RPH3AL: variants seen among roughly 807,000 people sequenced by gnomAD.
RPH3AL encodes the protein rabphilin 3A like (without C2 domains).
A neutral mutation model predicts 43.1 loss-of-function variants in RPH3AL; 38 were observed. The observed-to-expected ratio is 0.88, with a 90% CI of 0.68 to 1.15. The LOEUF is 1.15. RPH3AL is among the 50% of genes most tolerant of loss of function. The pLI, the probability that RPH3AL is intolerant of heterozygous loss-of-function variation, is 0.00. For missense variants in RPH3AL, 462 were observed against 423.2 expected (o/e 1.09, Z -0.81); for synonymous variants, 189 against 176.3 (o/e 1.07, Z -0.57).
intron 1 of RPH3AL, among the ~76,000 whole-genome samples, chr17:343,333 G>A (rs1165838705): frequency 6.6e-6 from 1 of 152,206 alleles, no homozygotes; most frequent in Non-Finnish European, 1.5e-5. Context: ...AAAATGGGCA[G>A]AGCCACTGCT....
At chr17:235,735 C>G (rs111774260) in intron 7 of RPH3AL, among the ~76,000 whole-genome samples, 1 of 104,510 alleles carries the variant, frequency 9.6e-6, no homozygotes, top group Non-Finnish European at 2.1e-5. Flanking sequence ...AGGTTCCACA[C>G]TAACAAGACG....
rs1308590095 is a variant in RPH3AL, at chr17:246,265, C to T, written c.613+846G>A. On this transcript the variant is annotated intron_variant, in intron 7 of 9. Transcript: ENST00000331302. This position sits in a 1 kb window ranked among gnomAD's most constrained non-coding sequence, Gnocchi z 4.8. ...ACTTCCTCCAAGACGAGCCATGATC[C>T]GAACGAGCCTCCCTCACCCCTCTGC... is the stretch of plus-strand genomic sequence containing the variant. 1.3e-5 allele frequency among the ~76,000 whole-genome samples: 2 copies of T among 152,070 alleles called. No individual in the cohort carries two copies. The highest frequency in any genetic ancestry group is 4.8e-5 in the African/African-American group (2 of 41,400).
chr17:300,635 A>C (rs1232180929), intron 5 of RPH3AL, among the ~76,000 whole-genome samples: 1 of 99,524 alleles, frequency 1.0e-5, no homozygotes, highest in East Asian at 3.6e-4. Context: ...TCTCTCACCC[A>C]CTCTAGAAGG....
intron 5 of RPH3AL, among the ~76,000 whole-genome samples, chr17:291,801 C>T (rs1033022804): frequency 5.3e-5 from 8 of 152,140 alleles, no homozygotes; most frequent in African/African-American, 1.4e-4. Context: ...AAAAAAAGCA[C>T]GTTGGAAACA....
chr17:230,109 C>G (rs1020503512), intron 7 of RPH3AL, among the ~76,000 whole-genome samples: 9 of 152,174 alleles, frequency 5.9e-5, no homozygotes, highest in African/African-American at 1.9e-4. Context: ...GAGGACAGCC[C>G]CAGGCACGGG....
chr17:271,110 C>A (rs1394493736), intron 6 of RPH3AL, among the ~76,000 whole-genome samples: 1 of 152,102 alleles, frequency 6.6e-6, no homozygotes, highest in African/African-American at 2.4e-5. Context: ...ATTTCTGAGG[C>A]CTCTGTTGTG....
intron 6 of RPH3AL, among the ~76,000 whole-genome samples, chr17:262,245 G>T (rs1381579462): frequency 2.0e-5 from 3 of 151,940 alleles, no homozygotes; most frequent in Non-Finnish European, 4.4e-5. Flanking sequence ...TTTAGATGGT[G>T]TCTCGCTCTG....
At chr17:337,398 G>A (rs1353068100) in intron 1 of RPH3AL, among the ~76,000 whole-genome samples, 2 of 152,176 alleles carry the variant, frequency 1.3e-5, no homozygotes, top group Non-Finnish European at 1.5e-5. Context: ...ACGACACCCA[G>A]CCTGCCAACA....
At chr17:239,424 A>G (rs1434705003) in intron 7 of RPH3AL, among the ~76,000 whole-genome samples, 1 of 152,198 alleles carries the variant, frequency 6.6e-6, no homozygotes, top group Non-Finnish European at 1.5e-5. Context: ...TTGAAAAGTG[A>G]CTTATGGTTG....
At chr17:231,666 C>CA (rs1317089361) in intron 7 of RPH3AL, among the ~76,000 whole-genome samples, 16 of 152,344 alleles carry the variant, frequency 1.1e-4, no homozygotes, top group African/African-American at 3.8e-4. Context: ...GGGCCAGGCA[C>CA]ACACGGGAGC....
intron 6 of RPH3AL, among the ~76,000 whole-genome samples, chr17:262,212 C>T (rs567712180): frequency 2.3e-4 from 35 of 152,136 alleles, no homozygotes; most frequent in Admixed American, 1.6e-3. Flanking sequence ...GAGCCTAAGA[C>T]GTTTCATGTT....
intron 6 of RPH3AL, among the ~76,000 whole-genome samples, chr17:253,784 G>A (rs868967783): frequency 5.3e-5 from 5 of 93,998 alleles, no homozygotes; most frequent in African/African-American, 7.7e-5. Context: ...GCCGCACGGC[G>A]TCTGTCCTTT....
intron 6 of RPH3AL, among the ~76,000 whole-genome samples, chr17:280,241 A>T (rs898041368): frequency 6.6e-6 from 1 of 152,116 alleles, no homozygotes; most frequent in Non-Finnish European, 1.5e-5. Flanking sequence ...ACTAAAAGTG[A>T]CCCTTGGGAG....
chr17:351,739 G>A (rs563377997), intron 1 of RPH3AL, among the ~76,000 whole-genome samples: 143 of 152,214 alleles, frequency 9.4e-4, no homozygotes, highest in Middle Eastern at 6.8e-3. Context: ...TATTTTCAAA[G>A]GAAACTGTAT....
chr17:248,357 C>T (rs918720235), intron 6 of RPH3AL, among the ~76,000 whole-genome samples: 1 of 152,234 alleles, frequency 6.6e-6, no homozygotes, highest in African/African-American at 2.4e-5. Context: ...TGCCTCAGTT[C>T]TATCCTCCTT....
rs376127955 is a variant in RPH3AL, at chr17:303,610, A to G, written c.351+15810T>C. Among the ~76,000 whole-genome samples the G allele has an allele frequency of 3.5e-3, 29 of 8,264 alleles. 8 individuals are homozygous for G. Among genetic ancestry groups the G allele is most frequent in the African/African-American group, 7.8e-3 (13 of 1,672 alleles). The allele number at this position is 8,264 out of a possible 152,430, so 5.4% of individuals were successfully genotyped here. A position where few individuals can be genotyped will look rare whatever the true frequency, so the allele number is the denominator to read the frequency against. Reference sequence around the variant, plus strand: ...GCAGTGACCGTGTTTCAGGAAAGAGATGGGGAGGGAGGGAGGCTGTACTGA... The same window carrying G: ...GCAGTGACCGTGTTTCAGGAAAGAGGTGGGGAGGGAGGGAGGCTGTACTGA... On this transcript the variant is annotated intron_variant, in intron 5 of 9. Transcript: ENST00000331302.
chr17:215,788 C>T lies in RPH3AL; in HGVS notation c.742G>A (p.Ala248Thr). Residue 248 changes from alanine to threonine, a missense_variant, in exon 9 of 10, where the codon GCC becomes ACC. Coordinates refer to ENST00000331302, the MANE Select transcript of RPH3AL (RefSeq NM_006987.4). The surrounding 1 kb of genome is among the most constrained non-coding windows in gnomAD (Gnocchi z 4.1). Reference sequence around the variant, plus strand: ...GGGTGGGTGAACCCCATCCTGGGGGCCTCCACGCTGCCACCTGTGGGAAAT... The same window carrying T: ...GGGTGGGTGAACCCCATCCTGGGGGTCTCCACGCTGCCACCTGTGGGAAAT... Reference protein sequence around the residue: ...PWKESGGSVEAPRMGFTHPPG... With the variant: ...PWKESGGSVETPRMGFTHPPG... The T allele has an allele frequency of 7.7e-7, 1 of 1,303,420 alleles. No individual in the cohort carries two copies. The highest frequency in any genetic ancestry group is 2.7e-5 in the South Asian group (1 of 36,910). 80.7% of individuals were successfully genotyped at this position (1,303,420 alleles called of 1,614,324 possible). A position where few individuals can be genotyped will look rare whatever the true frequency, so the allele number is the denominator to read the frequency against.
chr17:279,161 T>C (rs985209620), intron 6 of RPH3AL, among the ~76,000 whole-genome samples: 2 of 152,178 alleles, frequency 1.3e-5, no homozygotes, highest in Non-Finnish European at 2.9e-5. Flanking sequence ...AGTTATCTCT[T>C]CATTATGATT....
At chr17:309,420 AGCCCCCTGCTGGGGGTCCGGGAT>A (rs2043578770) in intron 5 of RPH3AL, among the ~76,000 whole-genome samples, 1 of 150,936 alleles carries the variant, frequency 6.6e-6, no homozygotes, top group African/African-American at 2.5e-5. Context: ...GGCTCCTGCC[AGCCCCCTGCTGGGGGTCCGGGAT>A]ACGGCACATC....
Sources: gnomAD v4.1 joint callset for allele counts (sites outside exome capture counted in the v4.1 genomes callset) on GRCh38, gnomAD v4.1.1 for gene constraint, Gnocchi (gnomAD v3.1) non-coding constraint, MANE v1.5 for transcripts, NCBI Gene and HGNC (gene_info 2026-07-23, HGNC 2026-07-21) for gene names.